The following CYTH3 variants were observed in gnomAD, a reference collection of about 807,000 sequenced individuals.
CYTH3 encodes cytohesin-3.
CYTH3 carries 23 observed loss-of-function variants against 55.1 expected under a neutral mutation model. That is an observed-to-expected ratio of 0.42 (90% CI 0.30 to 0.59). The LOEUF (loss-of-function observed/expected upper bound fraction) is 0.59. CYTH3 is among the 20% of genes least tolerant of loss of function. CYTH3 has a pLI of 0.20. For missense variants in CYTH3, 413 were observed against 524.8 expected, an observed-to-expected ratio of 0.79 and a Z score of 2.08; for synonymous variants, 249 against 194.9, an observed-to-expected ratio of 1.28 and a Z score of -2.31.
intron 1 of CYTH3, among the ~76,000 whole-genome samples, chr7:6,197,706 A>G (rs1211392558): frequency 6.6e-6 from 1 of 152,176 alleles, no homozygotes; most frequent in Non-Finnish European, 1.5e-5. Flanking sequence ...AAAAGAATTG[A>G]GCAAAATTAT....
intron 1 of CYTH3, among the ~76,000 whole-genome samples, chr7:6,208,973 C>T (rs1784263487): frequency 6.6e-6 from 1 of 152,240 alleles, no homozygotes; most frequent in African/African-American, 2.4e-5. Context: ...AAGCCCAGGG[C>T]TCTGAATTTT....
chr7:6,194,742 C>A (rs776907341), intron 1 of CYTH3, among the ~76,000 whole-genome samples: 1 of 152,106 alleles, frequency 6.6e-6, no homozygotes, highest in African/African-American at 2.4e-5. Flanking sequence ...TTTGGGAGGC[C>A]AAGGCAGGCG....
chr7:6,235,590 C>T (rs1342392917), intron 1 of CYTH3, among the ~76,000 whole-genome samples: 3 of 152,130 alleles, frequency 2.0e-5, no homozygotes, highest in Non-Finnish European at 4.4e-5. Context: ...TCCTGCCTAA[C>T]TCCGTACTTC....
chr7:6,259,801 ATATATATATATAAT>A (rs1562417874), intron 1 of CYTH3, among the ~76,000 whole-genome samples: 35 of 24,086 alleles, frequency 1.5e-3, no homozygotes, highest in South Asian at 2.7e-3. Context: ...ATATATATAT[ATATATATATATAAT>A]ATATATATAT....
chr7:6,216,780 C>T (rs10274992), intron 1 of CYTH3, among the ~76,000 whole-genome samples: 12,643 of 147,386 alleles, frequency 0.086, 1,363 homozygotes, highest in African/African-American at 0.25. Context: ...CATACACATA[C>T]ATACACACAC....
At chr7:6,241,551 C>T (rs563284991) in intron 1 of CYTH3, among the ~76,000 whole-genome samples, 3 of 152,176 alleles carry the variant, frequency 2.0e-5, no homozygotes, top group Non-Finnish European at 4.4e-5. Context: ...GCATAAGAAT[C>T]CCACTTCTGA....
intron 1 of CYTH3, among the ~76,000 whole-genome samples, chr7:6,194,991 A>G (rs1357848269): frequency 5.3e-5 from 8 of 152,062 alleles, no homozygotes; most frequent in African/African-American, 1.7e-4. Flanking sequence ...ATAAATAAAT[A>G]AATAATTTTA....
chr7:6,185,520 C>A (rs1223980840), intron 4 of CYTH3, among the ~76,000 whole-genome samples: 1 of 151,948 alleles, frequency 6.6e-6, no homozygotes, highest in Non-Finnish European at 1.5e-5. Context: ...CACAGTGAAA[C>A]CCCGTCTCTA....
At chr7:6,201,761 C>T (rs764617868) in intron 1 of CYTH3, among the ~76,000 whole-genome samples, 4 of 152,032 alleles carry the variant, frequency 2.6e-5, no homozygotes, top group Middle Eastern at 3.4e-3. Context: ...GAAGGCGGAG[C>T]GGATAGATGA....
intron 1 of CYTH3, among the ~76,000 whole-genome samples, chr7:6,233,226 T>C (rs1779431953): frequency 2.0e-5 from 3 of 152,198 alleles, no homozygotes; most frequent in Admixed American, 6.5e-5. Context: ...ACTGCAGATA[T>C]ATCAGTGTGT....
intron 1 of CYTH3, among the ~76,000 whole-genome samples, chr7:6,265,730 G>A (rs1399534041): frequency 6.6e-6 from 1 of 152,122 alleles, no homozygotes; most frequent in East Asian, 1.9e-4. Context: ...ACCGAGGAAA[G>A]AGCAAACTTT....
chr7:6,259,772 T>TATATATAATATATA (rs1491219669), intron 1 of CYTH3, among the ~76,000 whole-genome samples: 7 of 30,500 alleles, frequency 2.3e-4, no homozygotes, highest in African/African-American at 3.1e-4. Flanking sequence ...TATATATATA[T>TATATATAATATATA]TATATATATA....
At chr7:6,210,800 CTAAG>C (rs1376442454) in intron 1 of CYTH3, among the ~76,000 whole-genome samples, 2 of 152,190 alleles carry the variant, frequency 1.3e-5, no homozygotes, top group Admixed American at 6.5e-5. Context: ...GCATCTTTAA[CTAAG>C]TGTCTTCCAA....
At chr7:6,222,535 A>C (rs895019759) in intron 1 of CYTH3, among the ~76,000 whole-genome samples, 1 of 152,172 alleles carries the variant, frequency 6.6e-6, no homozygotes, top group Non-Finnish European at 1.5e-5. Context: ...TCACAAGTTC[A>C]GGAGATGGAG....
chr7:6,239,913 T>C (rs1049412773), intron 1 of CYTH3, among the ~76,000 whole-genome samples: 2 of 152,232 alleles, frequency 1.3e-5, no homozygotes, highest in African/African-American at 4.8e-5. Context: ...TGCAATGTCA[T>C]AAGGATATAC....
intron 1 of CYTH3, among the ~76,000 whole-genome samples, chr7:6,237,632 C>T (rs973748757): frequency 2.6e-5 from 4 of 151,916 alleles, no homozygotes; most frequent in African/African-American, 9.7e-5. Flanking sequence ...CACTTGAACC[C>T]GGGGGGCAGA....
At chr7:6,260,801 C>T (rs566055349) in intron 1 of CYTH3, among the ~76,000 whole-genome samples, 2 of 152,126 alleles carry the variant, frequency 1.3e-5, no homozygotes, top group Non-Finnish European at 2.9e-5. Context: ...AACTCTCTTT[C>T]CTATGTGAGC....
chr7:6,171,925 C>G lies in CYTH3; in HGVS notation c.450-611G>C, dbSNP rs1001449154. Reference sequence around the variant, plus strand: ...CCCCCAGCCCAACAACCCGCCCCGCCCCCGCTCACTGCTTCCCTTCCTTGC... The same window carrying G: ...CCCCCAGCCCAACAACCCGCCCCGCGCCCGCTCACTGCTTCCCTTCCTTGC... On this transcript the variant is annotated intron_variant, in intron 6 of 12. Coordinates refer to ENST00000350796, the MANE Select transcript of CYTH3 (RefSeq NM_004227.4). This position sits in a 1 kb window ranked among gnomAD's most constrained non-coding sequence, Gnocchi z 6.7. The G allele has an allele frequency of 6.5e-6, 1 of 154,922 alleles. No individual in the cohort carries two copies. Among genetic ancestry groups the G allele is most frequent in the African/African-American group, 2.4e-5 (1 of 41,458 alleles). 9.6% of individuals were successfully genotyped at this position (154,922 alleles called of 1,614,324 possible).
intron 1 of CYTH3, among the ~76,000 whole-genome samples, chr7:6,263,446 T>C (rs1780406112): frequency 6.6e-6 from 1 of 152,122 alleles, no homozygotes; most frequent in Admixed American, 6.6e-5. Context: ...GAGAGAAGAC[T>C]AGGGAGCTCA....
Sources: allele counts gnomAD v4.1 joint callset (sites outside exome capture counted in the v4.1 genomes callset), GRCh38; gene constraint gnomAD v4.1.1; non-coding constraint Gnocchi (gnomAD v3.1); transcripts MANE v1.5; gene names NCBI Gene and HGNC (gene_info 2026-07-23, HGNC 2026-07-21).